KHDRBS2: variants seen among roughly 807,000 people sequenced by gnomAD.
KHDRBS2 encodes the protein KH RNA binding domain containing, signal transduction associated 2.
Under a neutral mutation model 44.3 loss-of-function variants are expected in KHDRBS2, and 26 were observed. That is an observed-to-expected ratio of 0.59 (90% CI 0.43 to 0.81). The LOEUF is 0.81. Among genes scored for constraint, KHDRBS2 ranks in the 40% least tolerant of loss-of-function variants. The pLI, the probability that KHDRBS2 is intolerant of heterozygous loss-of-function variation, is 0.00. For missense variants in KHDRBS2, 476 were observed against 433.1 expected, an observed-to-expected ratio of 1.10 and a Z score of -0.88; for synonymous variants, 194 against 151.1, an observed-to-expected ratio of 1.28 and a Z score of -2.08.
At chr6:61,612,749 A>G in the KHDRBS2 span, among the ~76,000 whole-genome samples, 6 of 152,026 alleles carry the variant, frequency 3.9e-5, no homozygotes, top group Non-Finnish European at 8.8e-5. Flanking sequence ...ACCAATAGTA[A>G]AGCATTTTTA....
At chr6:62,071,900 G>A (rs1255738053) in intron 2 of KHDRBS2, among the ~76,000 whole-genome samples, 4 of 152,014 alleles carry the variant, frequency 2.6e-5, no homozygotes, top group Non-Finnish European at 5.9e-5. Flanking sequence ...AGCTTGATGG[G>A]GATGGCATTG....
the KHDRBS2 span, among the ~76,000 whole-genome samples, chr6:61,653,235 C>T: frequency 6.6e-6 from 1 of 151,982 alleles, no homozygotes; most frequent in Non-Finnish European, 1.5e-5. Flanking sequence ...AAGCTTTGTT[C>T]TAAACTTGTT....
chr6:62,199,227 G>T (rs1223448610), intron 1 of KHDRBS2, among the ~76,000 whole-genome samples: 4 of 152,144 alleles, frequency 2.6e-5, no homozygotes, highest in African/African-American at 9.7e-5. Flanking sequence ...AGTGTTGGAA[G>T]TTCTGGCCAG....
At chr6:61,849,287 G>T (rs1321490733) in intron 6 of KHDRBS2, among the ~76,000 whole-genome samples, 1 of 151,948 alleles carries the variant, frequency 6.6e-6, no homozygotes, top group Non-Finnish European at 1.5e-5. Flanking sequence ...TAGTTAAATA[G>T]AATTCTTGAC....
At chr6:62,068,525 C>CT (rs1011492544) in intron 2 of KHDRBS2, among the ~76,000 whole-genome samples, 13 of 151,398 alleles carry the variant, frequency 8.6e-5, no homozygotes, top group South Asian at 8.3e-4. Context: ...AATAGTCTAA[C>CT]TTTTTTTTAT....
chr6:61,709,714 G>T (rs1308899844), intron 7 of KHDRBS2, among the ~76,000 whole-genome samples: 10 of 151,502 alleles, frequency 6.6e-5, no homozygotes. Flanking sequence ...TATAAATAAT[G>T]CTTTCCACTG....
intron 3 of KHDRBS2, among the ~76,000 whole-genome samples, chr6:62,008,299 ACT>A (rs1165422504): frequency 1.3e-5 from 2 of 151,574 alleles, no homozygotes; most frequent in African/African-American, 4.9e-5. Context: ...TAAACAAAAG[ACT>A]CTTTTTTCCT....
At chr6:61,902,721 G>A (rs1180067571) in intron 4 of KHDRBS2, among the ~76,000 whole-genome samples, 6 of 152,142 alleles carry the variant, frequency 3.9e-5, no homozygotes, top group Non-Finnish European at 5.9e-5. Flanking sequence ...TATGATGTTT[G>A]AGGCCTAGCA....
At chr6:62,004,832 A>C (rs1425080549) in intron 3 of KHDRBS2, among the ~76,000 whole-genome samples, 1 of 152,186 alleles carries the variant, frequency 6.6e-6, no homozygotes, top group Non-Finnish European at 1.5e-5. Context: ...AGTTGGCTTC[A>C]TCCCTGGGAT....
At position 62,029,569 on chromosome 6, in the gene KHDRBS2, A is replaced by T. The variant is rs188330616; in HGVS notation, c.336+18309T>A. Among the ~76,000 whole-genome samples, 23 of 152,124 alleles carry T rather than the reference A, an allele frequency of 1.5e-4. No individual in the cohort carries two copies. In the East Asian group the frequency reaches 4.1e-3, roughly 27 times the overall value. ...TTCCTGTGCAATAGGCCACGGAGAC[A>T]AACATTCTCCAGATTAATAATCCAA... On this transcript the variant is annotated intron_variant, in intron 3 of 8. Transcript: ENST00000281156.
chr6:61,909,415 T>C (rs1406232196), intron 4 of KHDRBS2, among the ~76,000 whole-genome samples: 1 of 152,162 alleles, frequency 6.6e-6, no homozygotes, highest in Admixed American at 6.5e-5. Context: ...TTTATTTTCC[T>C]GTAATGTCCA....
intron 1 of KHDRBS2, among the ~76,000 whole-genome samples, chr6:62,254,904 G>T (rs1358135462): frequency 6.6e-6 from 1 of 152,008 alleles, no homozygotes; most frequent in Non-Finnish European, 1.5e-5. Flanking sequence ...CAACTAAATT[G>T]ATAATGCATG....
At chr6:61,561,053 C>T in the KHDRBS2 span, among the ~76,000 whole-genome samples, 2 of 152,288 alleles carry the variant, frequency 1.3e-5, no homozygotes, top group East Asian at 1.9e-4. Context: ...ACCCCAAACC[C>T]AGTACCGACG....
chr6:62,142,238 T>C (rs1261094652), intron 2 of KHDRBS2, among the ~76,000 whole-genome samples: 1 of 152,066 alleles, frequency 6.6e-6, no homozygotes, highest in African/African-American at 2.4e-5. Context: ...GTGAAGAGGA[T>C]ATAAAATTGA....
chr6:62,274,295 A>G (rs149018974), intron 1 of KHDRBS2, among the ~76,000 whole-genome samples: 4 of 152,252 alleles, frequency 2.6e-5, no homozygotes, highest in African/African-American at 9.6e-5. Context: ...TGGCCTGCCC[A>G]TGTCTTGTAC....
chr6:62,153,468 C>G (rs1408777818), intron 2 of KHDRBS2, among the ~76,000 whole-genome samples: 1 of 147,998 alleles, frequency 6.8e-6, no homozygotes, highest in African/African-American at 2.5e-5. Flanking sequence ...CAATACTTGG[C>G]TCTTAGAAAA....
chr6:61,679,398 T>C (rs769269358), downstream of KHDRBS2, among the ~76,000 whole-genome samples: 5 of 151,960 alleles, frequency 3.3e-5, no homozygotes, highest in Non-Finnish European at 7.4e-5. Flanking sequence ...CTATTTGTTA[T>C]ATTTTTGTAG....
chr6:61,622,570 A>G, the KHDRBS2 span, among the ~76,000 whole-genome samples: 8 of 152,330 alleles, frequency 5.3e-5, no homozygotes, highest in East Asian at 1.5e-3. Context: ...TATTGGAACA[A>G]AAGATTTAAC....
intron 1 of KHDRBS2, among the ~76,000 whole-genome samples, chr6:62,192,530 G>A (rs1352212603): frequency 2.6e-5 from 4 of 152,054 alleles, no homozygotes; most frequent in Non-Finnish European, 4.4e-5. Flanking sequence ...ACAAGCAGAT[G>A]TGCTTGAATT....
Sources: gnomAD v4.1 joint callset for allele counts (sites outside exome capture counted in the v4.1 genomes callset) on GRCh38, gnomAD v4.1.1 for gene constraint, MANE v1.5 for transcripts, NCBI Gene and HGNC (gene_info 2026-07-23, HGNC 2026-07-21) for gene names.